The following RAP1B variants were observed in gnomAD, a reference collection of about 807,000 sequenced individuals.
RAP1B encodes the protein ras-related protein Rap-1b.
RAP1B carries 1 observed loss-of-function variant against 27.5 expected under a neutral mutation model. The ratio of observed to expected loss-of-function variants is 0.04; its 90% CI spans 0.01 to 0.17. The LOEUF (loss-of-function observed/expected upper bound fraction) is 0.17. Among genes scored for constraint, RAP1B ranks in the 10% least tolerant of loss-of-function variants. The pLI is 1.00. For synonymous variants in RAP1B, 75 were observed against 73.1 expected, an observed-to-expected ratio of 1.03 and a Z score of -0.13; for missense variants, 84 against 214.8, an observed-to-expected ratio of 0.39 and a Z score of 3.81.
intron 1 of RAP1B, 46 bp downstream of exon 1, chr12:68,611,089 G>C (rs1182748594): frequency 1.4e-5 from 3 of 214,606 alleles, no homozygotes; most frequent in Non-Finnish European, 2.7e-5. Context: ...CGCGGCGGCG[G>C]CCGCGCGGGG....
Position 68,666,844 on chromosome 12 carries a change from A to G in RAP1B, c.*7595A>G, listed in dbSNP as rs1257234975. ...TCAGCAGACCCTCAGGTCTCCCTAG[A>G]GAGATCCTGAGCACCTAGGAAAGCC... On this transcript the variant is annotated 3_prime_UTR_variant, in exon 8 of 8. Transcript: ENST00000250559. The G allele has an allele frequency of 1.3e-5, 2 of 152,130 alleles. No homozygotes were observed. Among genetic ancestry groups the G allele is most frequent in the African/African-American group, 2.4e-5 (1 of 41,418 alleles). 9.4% of individuals were successfully genotyped at this position (152,130 alleles called of 1,614,324 possible). A position where few individuals can be genotyped will look rare whatever the true frequency, so the allele number is the denominator to read the frequency against.
chr12:68,634,954 C>G (rs1211884880), intron 1 of RAP1B, among the ~76,000 whole-genome samples: 1 of 152,080 alleles, frequency 6.6e-6, no homozygotes, highest in Non-Finnish European at 1.5e-5. Flanking sequence ...TAAATATGAT[C>G]AGAATAGAGA....
At position 68,663,718 on chromosome 12, in the gene RAP1B, A is replaced by G. The variant is rs1275702267; in HGVS notation, c.*4469A>G. On this transcript the variant is annotated 3_prime_UTR_variant, in exon 8 of 8. Coordinates refer to ENST00000250559, the MANE Select transcript of RAP1B (RefSeq NM_001010942.3). ...CCTTAGGAATTACAGGCTTTATCCAAAATTAGGCATATCTACCTGATTTTT... is the reference window on the plus strand; with the variant it reads ...CCTTAGGAATTACAGGCTTTATCCAGAATTAGGCATATCTACCTGATTTTT... 4.6e-5 allele frequency: 7 copies of G among 152,208 alleles called. No individual in the cohort carries two copies. The highest frequency in any genetic ancestry group is 1.7e-4 in the African/African-American group (7 of 41,444). The allele number at this position is 152,208 out of a possible 1,614,324, so 9.4% of individuals were successfully genotyped here. A position where few individuals can be genotyped will look rare whatever the true frequency, so the allele number is the denominator to read the frequency against.
intron 2 of RAP1B, 111 bp downstream of exon 2, chr12:68,648,892 A>G: frequency 1.1e-6 from 1 of 942,326 alleles, no homozygotes. Context: ...TAATGACTTT[A>G]GAAGCAATAT....
In RAP1B at chr12:68,650,236, A is replaced by C. The variant is rs929246725; in HGVS notation, c.58-164A>C. On this transcript the variant is annotated intron_variant, in intron 2 of 7. Transcript: ENST00000250559. ...TTATTTAAAAATAAACAGCTTCCTG[A>C]GGTAATTTTCTTACCAAATGTACAC... 21 of 513,480 alleles carry C rather than the reference A, an allele frequency of 4.1e-5. No homozygotes were observed. In the Admixed American group the frequency reaches 9.7e-4, roughly 24 times the overall value. 31.8% of individuals were successfully genotyped at this position (513,480 alleles called of 1,614,324 possible).
chr12:68,650,738 TTCAG>T (rs1282448916), intron 3 of RAP1B: 1 of 201,900 alleles, frequency 5.0e-6, no homozygotes, highest in Non-Finnish European at 9.8e-6. Context: ...CCATGTTACT[TTCAG>T]TCCCCTACCT....
rs772554196 is a variant in RAP1B, at chr12:68,663,813, G to T, written c.*4564G>T. ...TCAGGCGCTGTTTACAATATCGGAG[G>T]TACAGCAGGGATTTTCTGCCCACGT... On this transcript the variant is annotated 3_prime_UTR_variant, in exon 8 of 8. Transcript: ENST00000250559. 6 of 152,228 alleles carry T rather than the reference G, an allele frequency of 3.9e-5. No homozygotes were observed. The highest frequency in any genetic ancestry group is 8.8e-5 in the Non-Finnish European group (6 of 68,022). 9.4% of individuals were successfully genotyped at this position (152,228 alleles called of 1,614,324 possible). A position where few individuals can be genotyped will look rare whatever the true frequency, so the allele number is the denominator to read the frequency against.
At chr12:68,626,196 A>G (rs750286300) in intron 1 of RAP1B, among the ~76,000 whole-genome samples, 2 of 152,172 alleles carry the variant, frequency 1.3e-5, no homozygotes, top group African/African-American at 2.4e-5. Flanking sequence ...TTGAGAAGAT[A>G]TTTATGGCAT....
At chr12:68,616,787 A>T (rs1164946278) in intron 1 of RAP1B, among the ~76,000 whole-genome samples, 1 of 151,956 alleles carries the variant, frequency 6.6e-6, no homozygotes. Context: ...GCTCACCTCA[A>T]ACTCGTGGGC....
chr12:68,635,511 A>C (rs1280090555), intron 1 of RAP1B, among the ~76,000 whole-genome samples: 1 of 152,188 alleles, frequency 6.6e-6, no homozygotes, highest in Non-Finnish European at 1.5e-5. Flanking sequence ...GCTGGAGTGC[A>C]GTGGTGCGAT....
intron 7 of RAP1B, among the ~76,000 whole-genome samples, chr12:68,658,855 T>A (rs983872126): frequency 6.6e-6 from 1 of 152,266 alleles, no homozygotes; most frequent in Non-Finnish European, 1.5e-5. Flanking sequence ...TCTATACTTA[T>A]GATCTAATTC....
intron 1 of RAP1B, among the ~76,000 whole-genome samples, chr12:68,623,935 C>A (rs1468753184): frequency 6.6e-6 from 1 of 151,634 alleles, no homozygotes; most frequent in Non-Finnish European, 1.5e-5. Context: ...GCGGGAGAAT[C>A]GCTTGAACCC....
rs570426416 is a variant in RAP1B at position 68,655,997 on chromosome 12, C to T, written c.325-309C>T. On this transcript the variant is annotated intron_variant, in intron 5 of 7. Transcript: ENST00000250559. ...TTATGTAAAAGTGTCTTATTTATGT[C>T]TACATTGACTAGGTTGTGTTCATTT... Among the ~76,000 whole-genome samples the T allele has an allele frequency of 6.6e-5, 10 of 152,252 alleles. No homozygotes were observed. The South Asian group carries it at 2.1e-3, about 32-fold the overall frequency.
intron 1 of RAP1B, among the ~76,000 whole-genome samples, chr12:68,625,213 A>T (rs186305635): frequency 2.0e-5 from 3 of 152,286 alleles, no homozygotes; most frequent in Non-Finnish European, 4.4e-5. Context: ...AGCATTATTT[A>T]TGTCTTTCAG....
chr12:68,649,784 T>G (rs1873679590), intron 2 of RAP1B: 1 of 152,258 alleles, frequency 6.6e-6, no homozygotes, highest in Non-Finnish European at 1.5e-5. Context: ...TAACAATTAG[T>G]CAATTTCTAA....
intron 1 of RAP1B, among the ~76,000 whole-genome samples, chr12:68,623,828 C>T (rs1389524028): frequency 6.6e-6 from 1 of 152,130 alleles, no homozygotes; most frequent in Non-Finnish European, 1.5e-5. Context: ...CGAGACCATC[C>T]TGGCTAACAC....
At chr12:68,613,531 A>G (rs1870769999) in intron 1 of RAP1B, among the ~76,000 whole-genome samples, 1 of 152,026 alleles carries the variant, frequency 6.6e-6, no homozygotes, top group East Asian at 1.9e-4. Flanking sequence ...ACCATTTTAT[A>G]TTATTTATTC....
intron 1 of RAP1B, among the ~76,000 whole-genome samples, chr12:68,622,028 A>C (rs1330073684): frequency 2.6e-5 from 4 of 152,076 alleles, no homozygotes; most frequent in Non-Finnish European, 5.9e-5. Context: ...TAGACCTTTT[A>C]TTGTACTCTG....
chr12:68,665,205 A>G lies in RAP1B; in HGVS notation c.*5956A>G, dbSNP rs1592477837. On this transcript the variant is annotated 3_prime_UTR_variant, in exon 8 of 8. Transcript: ENST00000250559. ...AGCAGGTAGTTATGGGGAGACCTCTACTGTTCTAAATGAGACTAATAGTAA... is the reference window on the plus strand; with the variant it reads ...AGCAGGTAGTTATGGGGAGACCTCTGCTGTTCTAAATGAGACTAATAGTAA... The G allele has an allele frequency of 6.6e-6, 1 of 152,248 alleles. No homozygotes were observed. The highest frequency in any genetic ancestry group is 2.1e-4 in the South Asian group (1 of 4,832). The allele number at this position is 152,248 out of a possible 1,614,324, so 9.4% of individuals were successfully genotyped here. A position where few individuals can be genotyped will look rare whatever the true frequency, so the allele number is the denominator to read the frequency against.
Sources: gnomAD v4.1 joint callset for allele counts (sites outside exome capture counted in the v4.1 genomes callset) on GRCh38, gnomAD v4.1.1 for gene constraint, MANE v1.5 for transcripts, NCBI Gene and HGNC (gene_info 2026-07-23, HGNC 2026-07-21) for gene names.